Variants in NFASC observed in about 807,000 individuals in gnomAD.
NFASC encodes the protein neurofascin homolog.
A neutral mutation model predicts 147.5 loss-of-function variants in NFASC; 43 were observed. The observed-to-expected ratio is 0.29, with a 90% CI of 0.23 to 0.38. The LOEUF is 0.38. Ranked by LOEUF, NFASC falls within the 10% of genes least tolerant of loss-of-function variation. The probability of loss-of-function intolerance (pLI) is 1.00; values close to 1 mark genes in which losing one functional copy is unlikely to be tolerated. For missense variants in NFASC, 1,320 were observed against 1,689.0 expected (o/e 0.78, Z 3.83); for synonymous variants, 622 against 665.5 (o/e 0.93, Z 1.01).
chr1:204,933,784 A>G (rs1382681757), intron 2 of NFASC, among the ~76,000 whole-genome samples: 1 of 151,976 alleles, frequency 6.6e-6, no homozygotes, highest in Non-Finnish European at 1.5e-5. Context: ...AGATGGAGAA[A>G]AAAATTCTAG....
intron 1 of NFASC, among the ~76,000 whole-genome samples, chr1:204,856,296 T>G (rs990355820): frequency 4.6e-5 from 7 of 151,456 alleles, no homozygotes; most frequent in African/African-American, 1.7e-4. Flanking sequence ...AAGCTACACT[T>G]CGGGACATCA....
chr1:204,909,545 C>A (rs189729358), intron 1 of NFASC, among the ~76,000 whole-genome samples: 2 of 152,290 alleles, frequency 1.3e-5, no homozygotes, highest in East Asian at 3.9e-4. Flanking sequence ...CATCTTCTTT[C>A]GCAGATAAAA....
At chr1:204,940,849 A>T (rs1308351454) in intron 2 of NFASC, among the ~76,000 whole-genome samples, 1 of 152,184 alleles carries the variant, frequency 6.6e-6, no homozygotes, top group Non-Finnish European at 1.5e-5. Context: ...CATTCCTTAG[A>T]GGACATGTGG....
chr1:204,990,216 CTCT>C (rs2095695625), intron 23 of NFASC: 1 of 152,260 alleles, frequency 6.6e-6, no homozygotes, highest in African/African-American at 2.4e-5. Context: ...TCCTGCTGTG[CTCT>C]TCTGCACTCT....
chr1:204,832,666 A>G (rs1419463627), intron 1 of NFASC, among the ~76,000 whole-genome samples: 7 of 152,184 alleles, frequency 4.6e-5, no homozygotes, highest in Non-Finnish European at 8.8e-5. Context: ...CATTTCATCA[A>G]TGTATCCTGA....
At chr1:204,929,835 G>A (rs2092175448) in intron 2 of NFASC, among the ~76,000 whole-genome samples, 1 of 152,154 alleles carries the variant, frequency 6.6e-6, no homozygotes, top group Non-Finnish European at 1.5e-5. Flanking sequence ...GATGGGCTAG[G>A]CATCAATAGG....
intron 29 of NFASC, among the ~76,000 whole-genome samples, chr1:205,013,918 T>G (rs1441663596): frequency 6.6e-6 from 1 of 152,194 alleles, no homozygotes; most frequent in African/African-American, 2.4e-5. Context: ...TCTGCAGGCT[T>G]ATGGGCCATG....
Position 204,968,199 on chromosome 1 carries a change from G to A in NFASC, c.707-50G>A. 1 of 1,383,160 alleles carries A rather than the reference G, an allele frequency of 7.2e-7. No individual in the cohort carries two copies. Among genetic ancestry groups the A allele is most frequent in the Non-Finnish European group, 1.0e-6 (1 of 970,050 alleles). The allele number at this position is 1,383,160 out of a possible 1,614,324, so 85.7% of individuals were successfully genotyped here. A position where few individuals can be genotyped will look rare whatever the true frequency, so the allele number is the denominator to read the frequency against. ...AGCCTGACAGCGTTGGCCTAGTGGG[G>A]TCTGCCTTCTGGAAGGAGGCTCATG... On this transcript the variant is annotated intron_variant, in intron 8 of 29. Transcript: ENST00000339876. The surrounding 1 kb of genome is among the most constrained non-coding windows in gnomAD (Gnocchi z 5.4).
At position 205,016,706 on chromosome 1, in the gene NFASC, G is replaced by T; in HGVS notation, c.*167G>T. Reference sequence around the variant, plus strand: ...CCAGTAGCCACCAAGCCACCCACAAGCCCCCTCCCAATGACCCCCCTTCAG... The same window carrying T: ...CCAGTAGCCACCAAGCCACCCACAATCCCCCTCCCAATGACCCCCCTTCAG... On this transcript the variant is annotated 3_prime_UTR_variant, in exon 30 of 30. Transcript: ENST00000339876. The surrounding 1 kb of genome is among the most constrained non-coding windows in gnomAD (Gnocchi z 5.1). 1 of 688,610 alleles carries T rather than the reference G, an allele frequency of 1.5e-6. No individual in the cohort carries two copies. Among genetic ancestry groups the T allele is most frequent in the Non-Finnish European group, 2.6e-6 (1 of 377,452 alleles). The allele number at this position is 688,610 out of a possible 1,614,324, so 42.7% of individuals were successfully genotyped here. A position where few individuals can be genotyped will look rare whatever the true frequency, so the allele number is the denominator to read the frequency against.
intron 24 of NFASC, among the ~76,000 whole-genome samples, chr1:204,996,080 G>T (rs1454270016): frequency 1.3e-5 from 2 of 152,020 alleles, no homozygotes; most frequent in African/African-American, 4.8e-5. Flanking sequence ...TATTAGATCT[G>T]CGGGTAAGGA....
chr1:205,009,780 T>C, intron 28 of NFASC, 92 bp downstream of exon 28: 1 of 1,362,424 alleles, frequency 7.3e-7, no homozygotes, highest in Non-Finnish European at 1.0e-6. Flanking sequence ...GGGAATGTGT[T>C]CTCTCAGTGA....
chr1:204,958,202 G>T (rs1346942045), intron 8 of NFASC, among the ~76,000 whole-genome samples: 1 of 152,072 alleles, frequency 6.6e-6, no homozygotes, highest in African/African-American at 2.4e-5. Context: ...GCTTCCAGTG[G>T]TCATCTAGAA....
chr1:205,012,962 C>T lies in NFASC; in HGVS notation c.3491+96C>T. On this transcript the variant is annotated intron_variant, in intron 29 of 29. Transcript: ENST00000339876. ...GAGTAGCTCCGCTTGGCTGAGAGGC[C>T]ATGAGTAGCTGTCCTTGCCCATTGG... 4.7e-6 allele frequency: 4 copies of T among 858,042 alleles called. No individual in the cohort carries two copies. In the South Asian group the frequency reaches 5.7e-5, roughly 12 times the overall value. 53.2% of individuals were successfully genotyped at this position (858,042 alleles called of 1,614,324 possible).
At chr1:204,933,911 G>A (rs1430963878) in intron 2 of NFASC, among the ~76,000 whole-genome samples, 1 of 152,136 alleles carries the variant, frequency 6.6e-6, no homozygotes, top group Non-Finnish European at 1.5e-5. Context: ...GCCAACGTGG[G>A]TGGATCATCT....
Position 204,979,026 on chromosome 1 carries a change from G to A in NFASC, c.1935G>A (p.Arg645=). 6.4e-7 allele frequency: 1 copy of A among 1,565,284 alleles called. No individual in the cohort carries two copies. The highest frequency in any genetic ancestry group is 1.8e-5 in the Admixed American group (1 of 54,256). The change falls in exon 18 of 30, where the codon CGG becomes CGA. Residue 645 remains arginine, a synonymous_variant. Transcript: ENST00000339876. This position sits in a 1 kb window ranked among gnomAD's most constrained non-coding sequence, Gnocchi z 6.0. ...ELTDLAERSV[R]LTWIPGDANN... ...CCGACCTGGCCGAGAGGAGCGTGCG[G>A]CTGACCTGGATCCCCGGGGATGCTA...
At chr1:204,830,657 T>G (rs992631994) in intron 1 of NFASC, among the ~76,000 whole-genome samples, 1 of 147,096 alleles carries the variant, frequency 6.8e-6, no homozygotes, top group Non-Finnish European at 1.5e-5. Flanking sequence ...GATGTGTGTA[T>G]AGAGAGAGAG....
chr1:204,926,215 A>G (rs1442360751), intron 2 of NFASC, among the ~76,000 whole-genome samples: 3 of 151,542 alleles, frequency 2.0e-5, no homozygotes, highest in African/African-American at 4.8e-5. Flanking sequence ...CATGAATCTT[A>G]TAGATTTTAG....
At chr1:204,891,768 A>G (rs1262458631) in intron 1 of NFASC, among the ~76,000 whole-genome samples, 2 of 152,182 alleles carry the variant, frequency 1.3e-5, no homozygotes, top group African/African-American at 4.8e-5. Context: ...TTGTTTTCCT[A>G]TGGGGGACTC....
At chr1:204,991,402 T>C in intron 24 of NFASC, 96 bp downstream of exon 24, 2 of 1,290,712 alleles carry the variant, frequency 1.5e-6, no homozygotes, top group South Asian at 2.5e-5. Flanking sequence ...AGGCTCAGGC[T>C]GAAAGCATGC....
Sources: gnomAD v4.1 joint callset for allele counts (sites outside exome capture counted in the v4.1 genomes callset) on GRCh38, gnomAD v4.1.1 for gene constraint, Gnocchi (gnomAD v3.1) non-coding constraint, MANE v1.5 for transcripts, NCBI Gene and HGNC (gene_info 2026-07-23, HGNC 2026-07-21) for gene names.